KIAA1958: variants seen among roughly 807,000 people sequenced by gnomAD.
The protein encoded by KIAA1958 is KIAA1958, also known as uncharacterized protein KIAA1958.
Under a neutral mutation model 47.2 loss-of-function variants are expected in KIAA1958, and 14 were observed. That is an observed-to-expected ratio of 0.30 (90% CI 0.20 to 0.46). The LOEUF (loss-of-function observed/expected upper bound fraction) is 0.46. Ranked by LOEUF, KIAA1958 falls within the 20% of genes least tolerant of loss-of-function variation. KIAA1958 has a pLI of 1.00. For missense variants in KIAA1958, 803 were observed against 909.2 expected (o/e 0.88, Z 1.50); for synonymous variants, 354 against 353.3 (o/e 1.00, Z -0.02).
chr9:112,632,101 T>C (rs1412357160), intron 2 of KIAA1958, among the ~76,000 whole-genome samples: 3 of 152,162 alleles, frequency 2.0e-5, no homozygotes, highest in African/African-American at 7.2e-5. Context: ...AAATATAATA[T>C]GTTCATGTTG....
intron 2 of KIAA1958, among the ~76,000 whole-genome samples, chr9:112,608,698 G>A (rs1836276084): frequency 6.6e-6 from 1 of 152,130 alleles, no homozygotes; most frequent in African/African-American, 2.4e-5. Flanking sequence ...GGCTGAGGTG[G>A]GAGGATTGCT....
rs143291684 is a variant in KIAA1958, at chr9:112,494,524, A to T, written c.-25+7406A>T. ...GTCTCTGTCACCCAGGCTGGAATGC[A>T]GTGGCACCATCATGGTTTACAGCAG... On this transcript the variant is annotated intron_variant, in intron 1 of 3. Coordinates refer to ENST00000337530, the MANE Select transcript of KIAA1958 (RefSeq NM_133465.4). 1.8e-3 allele frequency among the ~76,000 whole-genome samples: 278 copies of T among 151,534 alleles called. 7 individuals are homozygous for T. Among genetic ancestry groups the T allele is most frequent in the African/African-American group, 6.5e-3 (268 of 41,294 alleles).
At chr9:112,505,752 A>G (rs533291241) in intron 1 of KIAA1958, among the ~76,000 whole-genome samples, 3 of 152,324 alleles carry the variant, frequency 2.0e-5, no homozygotes, top group African/African-American at 7.2e-5. Flanking sequence ...CTGAGTGGTC[A>G]GGTGATGAAA....
intron 2 of KIAA1958, among the ~76,000 whole-genome samples, chr9:112,602,758 A>G (rs1836156029): frequency 6.6e-6 from 1 of 152,174 alleles, no homozygotes; most frequent in Admixed American, 6.5e-5. Context: ...ACAGATGTCC[A>G]CACCACCTTC....
intron 2 of KIAA1958, among the ~76,000 whole-genome samples, chr9:112,587,299 G>A (rs1269907599): frequency 2.6e-5 from 4 of 152,012 alleles, no homozygotes; most frequent in Admixed American, 1.3e-4. Context: ...ACAGGCATGC[G>A]CCACAATGCC....
intron 2 of KIAA1958, among the ~76,000 whole-genome samples, chr9:112,644,729 A>G (rs1033428794): frequency 6.6e-6 from 1 of 152,022 alleles, no homozygotes; most frequent in African/African-American, 2.4e-5. Flanking sequence ...TCCTTCCTAC[A>G]ATTTTTCTCT....
intron 1 of KIAA1958, among the ~76,000 whole-genome samples, chr9:112,537,275 T>C (rs1168736747): frequency 6.6e-6 from 1 of 152,118 alleles, no homozygotes; most frequent in Non-Finnish European, 1.5e-5. Context: ...CCGATTAATT[T>C]TTTATATGTT....
intron 1 of KIAA1958, among the ~76,000 whole-genome samples, chr9:112,537,342 A>G (rs1588007534): frequency 6.6e-6 from 1 of 152,124 alleles, no homozygotes; most frequent in African/African-American, 2.4e-5. Flanking sequence ...CCTGAGCTCA[A>G]ATGATCCGCC....
At chr9:112,560,068 T>G (rs1835300364) in intron 1 of KIAA1958, among the ~76,000 whole-genome samples, 1 of 152,026 alleles carries the variant, frequency 6.6e-6, no homozygotes, top group Admixed American at 6.6e-5. Context: ...GTAGCTGCAC[T>G]GATTTTTTTT....
intron 2 of KIAA1958, among the ~76,000 whole-genome samples, chr9:112,624,527 A>G (rs1165231214): frequency 6.6e-6 from 1 of 152,236 alleles, no homozygotes; most frequent in Non-Finnish European, 1.5e-5. Flanking sequence ...TTCTAGTGAT[A>G]TAACAACAGA....
At position 112,660,446 on chromosome 9, in the gene KIAA1958, C is replaced by T. The variant is rs1441965681; in HGVS notation, c.*377C>T. On this transcript the variant is annotated 3_prime_UTR_variant, in exon 4 of 4. Transcript: ENST00000337530. ...TCGTTTAAAAAAAAAATCCCAGTAG[C>T]GCAGTAGCTTTAGAACGTTAGGAAG... is the stretch of plus-strand genomic sequence containing the variant. 3 of 213,886 alleles carry T rather than the reference C, an allele frequency of 1.4e-5. No individual in the cohort carries two copies. In the East Asian group the frequency reaches 3.1e-4, roughly 22 times the overall value. 13.2% of individuals were successfully genotyped at this position (213,886 alleles called of 1,614,324 possible).
intron 1 of KIAA1958, among the ~76,000 whole-genome samples, chr9:112,509,434 C>G (rs1490860493): frequency 1.3e-5 from 2 of 151,410 alleles, no homozygotes; most frequent in East Asian, 3.9e-4. Flanking sequence ...CTCCTGACCT[C>G]AGGTGATCCA....
At chr9:112,601,395 G>A (rs1417736290) in intron 2 of KIAA1958, among the ~76,000 whole-genome samples, 2 of 152,182 alleles carry the variant, frequency 1.3e-5, no homozygotes, top group East Asian at 3.8e-4. Flanking sequence ...TGTGGCAGGA[G>A]TTGGGTCTAA....
At chr9:112,581,159 A>G (rs1251309273) in intron 2 of KIAA1958, among the ~76,000 whole-genome samples, 4 of 152,132 alleles carry the variant, frequency 2.6e-5, no homozygotes, top group Admixed American at 6.5e-5. Flanking sequence ...TAGCTACGTC[A>G]TTTCACTTCT....
intron 1 of KIAA1958, among the ~76,000 whole-genome samples, chr9:112,516,324 A>G (rs528550789): frequency 6.6e-6 from 1 of 152,308 alleles, no homozygotes; most frequent in East Asian, 1.9e-4. Flanking sequence ...AGCAACAAGC[A>G]ATTGAACATT....
At chr9:112,611,041 A>G (rs1052087274) in intron 2 of KIAA1958, among the ~76,000 whole-genome samples, 1 of 152,200 alleles carries the variant, frequency 6.6e-6, no homozygotes, top group African/African-American at 2.4e-5. Flanking sequence ...GAAATGCCTT[A>G]TTAAAATATG....
chr9:112,601,773 TAAG>T (rs1390887169), intron 2 of KIAA1958, among the ~76,000 whole-genome samples: 1 of 152,154 alleles, frequency 6.6e-6, no homozygotes, highest in Non-Finnish European at 1.5e-5. Context: ...AAATTTTTAT[TAAG>T]GAGAAAATTC....
intron 1 of KIAA1958, among the ~76,000 whole-genome samples, chr9:112,555,767 T>C (rs893520910): frequency 1.3e-5 from 2 of 152,198 alleles, no homozygotes; most frequent in Non-Finnish European, 2.9e-5. Context: ...CATGACTTAA[T>C]CACTTTTTAA....
At position 112,618,856 on chromosome 9, in the gene KIAA1958, C is replaced by T; in HGVS notation, c.1172-26794C>T. ...AGGCTGCCCAGTCAGTGGCCGGCCA[C>T]TCCAACAATGGCAATTTCATCGTCT... On this transcript the variant is annotated intron_variant, in intron 2 of 3. Coordinates refer to ENST00000337530, the MANE Select transcript of KIAA1958 (RefSeq NM_133465.4). The surrounding 1 kb of genome is among the most constrained non-coding windows in gnomAD (Gnocchi z 7.1). 2 of 1,549,796 alleles carry T rather than the reference C, an allele frequency of 1.3e-6. No homozygotes were observed. Among genetic ancestry groups the T allele is most frequent in the African/African-American group, 1.4e-5 (1 of 73,148 alleles).
Sources: gnomAD v4.1 joint callset for allele counts (sites outside exome capture counted in the v4.1 genomes callset) on GRCh38, gnomAD v4.1.1 for gene constraint, Gnocchi (gnomAD v3.1) non-coding constraint, MANE v1.5 for transcripts, NCBI Gene and HGNC (gene_info 2026-07-23, HGNC 2026-07-21) for gene names.